Variants in SLC25A18 observed in about 807,000 individuals in gnomAD.
SLC25A18 encodes mitochondrial glutamate carrier 2.
SLC25A18 carries 24 observed loss-of-function variants against 31.1 expected under a neutral mutation model. The observed-to-expected ratio is 0.77, with a 90% CI of 0.56 to 1.08. SLC25A18 has a LOEUF of 1.08. Ranked by LOEUF, SLC25A18 falls within the 50% of genes least tolerant of loss-of-function variation. The pLI, the probability that SLC25A18 is intolerant of heterozygous loss-of-function variation, is 0.00. For missense variants in SLC25A18, 371 were observed against 418.5 expected, an observed-to-expected ratio of 0.89 and a Z score of 0.99; for synonymous variants, 173 against 161.9, an observed-to-expected ratio of 1.07 and a Z score of -0.52.
Position 17,568,282 on chromosome 22 carries a change from G to A in SLC25A18, c.-263-1642G>A, listed in dbSNP as rs575120846. Among the ~76,000 whole-genome samples, 64 of 151,478 alleles carry A rather than the reference G, an allele frequency of 4.2e-4. 1 individual carries two copies. The highest frequency in any genetic ancestry group is 1.5e-3 in the African/African-American group (62 of 41,276). On this transcript the variant is annotated intron_variant, in intron 1 of 10. Coordinates refer to ENST00000327451, the MANE Select transcript of SLC25A18 (RefSeq NM_031481.3). ...CTCGGGAGGCTGAGGCAGGAGAATG[G>A]CGTGAACGTGGGAGGCTGAGCTTGC...
intron 1 of SLC25A18, among the ~76,000 whole-genome samples, chr22:17,565,435 A>G (rs553879699): frequency 6.6e-6 from 1 of 152,160 alleles, no homozygotes; most frequent in East Asian, 1.9e-4. Flanking sequence ...GTGCAGTGGT[A>G]TGATCATAGC....
rs189446905 is a variant in SLC25A18, at chr22:17,590,654, T to G, written c.*418T>G. 2 of 172,556 alleles carry G rather than the reference T, an allele frequency of 1.2e-5. No individual in the cohort carries two copies. The highest frequency in any genetic ancestry group is 2.5e-5 in the Non-Finnish European group (2 of 79,248). 10.7% of individuals were successfully genotyped at this position (172,556 alleles called of 1,614,324 possible). A position where few individuals can be genotyped will look rare whatever the true frequency, so the allele number is the denominator to read the frequency against. ...TGTTAATCTTGGACTCCATAACTTA[T>G]GAGTCCTAGCACTGATTTTGAGGAA... On this transcript the variant is annotated 3_prime_UTR_variant, in exon 11 of 11. Transcript: ENST00000327451.
intron 2 of SLC25A18, among the ~76,000 whole-genome samples, chr22:17,576,942 C>T (rs2057242458): frequency 6.6e-6 from 1 of 152,164 alleles, no homozygotes; most frequent in Non-Finnish European, 1.5e-5. Flanking sequence ...TCACTGCAAC[C>T]TCCGCCTCCT....
intron 2 of SLC25A18, among the ~76,000 whole-genome samples, chr22:17,574,830 T>TTTTTTATTATTA (rs1555947157): frequency 0.018 from 2,428 of 137,834 alleles, 144 homozygotes; most frequent in African/African-American, 0.067. Flanking sequence ...CAATGTTCCC[T>TTTTTTATTATTA]TTATTATTAT....
intron 6 of SLC25A18, 78 bp from the exon 7 acceptor site, chr22:17,583,338 C>T (rs1360957534): frequency 2.6e-6 from 4 of 1,566,450 alleles, no homozygotes; most frequent in Non-Finnish European, 3.5e-6. Context: ...AGGGAAAGTC[C>T]CCCTCTCACA....
intron 9 of SLC25A18, chr22:17,589,334 C>T (rs7288387): frequency 0.036 from 12,697 of 357,496 alleles, 1,521 homozygotes; most frequent in African/African-American, 0.25. Flanking sequence ...GAACGCGCCA[C>T]GCCCGGCTCA....
intron 1 of SLC25A18, among the ~76,000 whole-genome samples, chr22:17,566,818 C>CT (rs1321418205): frequency 6.6e-6 from 1 of 152,190 alleles, no homozygotes; most frequent in Non-Finnish European, 1.5e-5. Context: ...GTCCCTACTC[C>CT]ATAGCATCCT....
At chr22:17,576,699 G>C (rs1427963820) in intron 2 of SLC25A18, among the ~76,000 whole-genome samples, 1 of 152,178 alleles carries the variant, frequency 6.6e-6, no homozygotes, top group African/African-American at 2.4e-5. Flanking sequence ...GCTTTGATTA[G>C]CATAGGCCTG....
rs752094500 is a variant in SLC25A18 at position 17,581,390 on chromosome 22, A to AGGGCTTCTTCGGCATGTACCGAGGT, written c.185_199+10dup. 3.1e-6 allele frequency: 5 copies of AGGGCTTCTTCGGCATGTACCGAGGT among 1,613,826 alleles called. No individual in the cohort carries two copies. On this transcript the variant is annotated frameshift_variant, in exon 5 of 11. Transcript: ENST00000327451. LOFTEE classifies it high-confidence loss of function. ...TGCCTGATGAAGACGGCTCGGGCGG[A>AGGGCTTCTTCGGCATGTACCGAGGT]GGGCTTCTTCGGCATGTACCGAGGT...
chr22:17,580,044 T>C, intron 3 of SLC25A18, 80 bp downstream of exon 3: 1 of 1,424,634 alleles, frequency 7.0e-7, no homozygotes, highest in Non-Finnish European at 9.7e-7. Context: ...CATCCAGGTT[T>C]CTGAAGAACA....
chr22:17,582,689 G>A (rs1398032830), intron 6 of SLC25A18, 36 bp downstream of exon 6: 1 of 1,553,822 alleles, frequency 6.4e-7, no homozygotes, highest in South Asian at 1.2e-5. Flanking sequence ...ATCCTTCACT[G>A]TGTGTTTTTT....
At chr22:17,580,107 T>C in intron 3 of SLC25A18, 143 bp downstream of exon 3, 1 of 673,746 alleles carries the variant, frequency 1.5e-6, no homozygotes. Flanking sequence ...ACATATACAC[T>C]ACATCTACTG....
intron 2 of SLC25A18, among the ~76,000 whole-genome samples, chr22:17,574,645 C>T (rs1315370021): frequency 6.8e-6 from 1 of 146,914 alleles, no homozygotes; most frequent in Non-Finnish European, 1.5e-5. Context: ...GCCTCCCGAG[C>T]AGTTGGGATT....
rs537212215 is a variant in SLC25A18, at chr22:17,573,296, C to T, written c.-201+3310C>T. Among the ~76,000 whole-genome samples the T allele has an allele frequency of 4.6e-5, 7 of 152,182 alleles. No individual in the cohort carries two copies. The South Asian group carries it at 8.3e-4, about 18-fold the overall frequency. Reference sequence around the variant, plus strand: ...GTGGTGGGATTCAGGCAGGGGTGGCCGGAGTAGCCTCTGAATGCTGCTGAG... The same window carrying T: ...GTGGTGGGATTCAGGCAGGGGTGGCTGGAGTAGCCTCTGAATGCTGCTGAG... On this transcript the variant is annotated intron_variant, in intron 2 of 10. Transcript: ENST00000327451.
intron 7 of SLC25A18, 65 bp from the exon 8 acceptor site, chr22:17,587,071 C>A: frequency 6.4e-7 from 1 of 1,563,926 alleles, no homozygotes. Context: ...TTGAGAGCCA[C>A]ACTCAGGAGT....
At chr22:17,571,453 A>G (rs1169533703) in intron 2 of SLC25A18, among the ~76,000 whole-genome samples, 2 of 152,178 alleles carry the variant, frequency 1.3e-5, no homozygotes, top group Admixed American at 6.5e-5. Flanking sequence ...TGTTCACAAT[A>G]TGACCCTCAG....
At chr22:17,563,800 T>C in intron 1 of SLC25A18, 87 bp downstream of exon 1, 1 of 773,796 alleles carries the variant, frequency 1.3e-6, no homozygotes, top group Non-Finnish European at 1.6e-6. Context: ...CCTCATCTGC[T>C]CAGAGTTCAT....
intron 2 of SLC25A18, among the ~76,000 whole-genome samples, chr22:17,579,396 A>G (rs1040881622): frequency 6.6e-5 from 10 of 152,002 alleles, no homozygotes; most frequent in African/African-American, 2.4e-4. Flanking sequence ...CATCTTAAGT[A>G]TTTTATTGTA....
chr22:17,587,934 T>G lies in SLC25A18; in HGVS notation c.585T>G (p.Pro195=). The G allele has an allele frequency of 1.2e-6, 2 of 1,614,136 alleles. 1 individual carries two copies. Among genetic ancestry groups the G allele is most frequent in the East Asian group, 4.5e-5 (2 of 44,866 alleles). ...GLGATLLRDI[P]FSIIYFPLFA... Reference sequence around the variant, plus strand: ...CCTTCCTCTTCTGCAGAGACATTCCTTTCTCCATCATCTACTTCCCACTGT... The same window carrying G: ...CCTTCCTCTTCTGCAGAGACATTCCGTTCTCCATCATCTACTTCCCACTGT... The change falls in exon 9 of 11, where the codon CCT becomes CCG. Residue 195 remains proline, a synonymous_variant. Transcript: ENST00000327451.
Sources: allele counts gnomAD v4.1 joint callset (sites outside exome capture counted in the v4.1 genomes callset), GRCh38; gene constraint gnomAD v4.1.1; transcripts MANE v1.5; gene names NCBI Gene and HGNC (gene_info 2026-07-23, HGNC 2026-07-21).